Variants in EBF1 observed in about 807,000 individuals in gnomAD.
The protein encoded by EBF1 is EBF transcription factor 1, also known as transcription factor COE1.
EBF1 carries 10 observed loss-of-function variants against 68.4 expected under a neutral mutation model. That is an observed-to-expected ratio of 0.15 (90% CI 0.09 to 0.25). The LOEUF (loss-of-function observed/expected upper bound fraction) is 0.25. Among genes scored for constraint, EBF1 ranks in the 10% least tolerant of loss-of-function variants. The pLI is 1.00. For missense variants in EBF1, 509 were observed against 794.4 expected, an observed-to-expected ratio of 0.64 and a Z score of 4.32; for synonymous variants, 298 against 299.8, an observed-to-expected ratio of 0.99 and a Z score of 0.06.
intron 6 of EBF1, among the ~76,000 whole-genome samples, chr5:158,845,687 T>C (rs777235560): frequency 9.7e-5 from 13 of 133,864 alleles, no homozygotes; most frequent in Non-Finnish European, 2.0e-4. Flanking sequence ...ATAGGTTTCA[T>C]TGAATGACCT....
chr5:159,027,983 G>GA (rs1346757608), intron 6 of EBF1, among the ~76,000 whole-genome samples: 2 of 152,064 alleles, frequency 1.3e-5, no homozygotes, highest in South Asian at 4.2e-4. Flanking sequence ...GCTTGCAAGG[G>GA]AAAAAATGAC....
At chr5:158,788,248 A>G (rs1777861044) in intron 9 of EBF1, among the ~76,000 whole-genome samples, 1 of 152,198 alleles carries the variant, frequency 6.6e-6, no homozygotes, top group Non-Finnish European at 1.5e-5. Context: ...ATTTAGACAG[A>G]AGAGAAAATA....
intron 6 of EBF1, among the ~76,000 whole-genome samples, chr5:158,924,644 A>G (rs1437656068): frequency 2.0e-5 from 3 of 152,022 alleles, no homozygotes; most frequent in Non-Finnish European, 4.4e-5. Flanking sequence ...CGAGGTCACG[A>G]GATCGAGACC....
rs138709834 is a variant in EBF1 at position 158,831,389 on chromosome 5, C to T, written c.637-8072G>A. 3.1e-3 allele frequency among the ~76,000 whole-genome samples: 470 copies of T among 152,192 alleles called. 2 individuals are homozygous for T. Among genetic ancestry groups the T allele is most frequent in the African/African-American group, 0.011 (451 of 41,518 alleles). ...TAGTCATAGGAATACGTGGTGAGCC[C>T]ACTATGTGCCTACCATGTGCCAAAC... On this transcript the variant is annotated intron_variant, in intron 7 of 15. Coordinates refer to ENST00000313708, the MANE Select transcript of EBF1 (RefSeq NM_024007.5).
intron 10 of EBF1, among the ~76,000 whole-genome samples, chr5:158,755,713 T>G (rs1581614791): frequency 6.6e-6 from 1 of 152,110 alleles, no homozygotes; most frequent in East Asian, 1.9e-4. Context: ...GGCTGAGGCC[T>G]GCAAGGGCCT....
At chr5:158,930,898 A>G (rs575397568) in intron 6 of EBF1, among the ~76,000 whole-genome samples, 1 of 151,824 alleles carries the variant, frequency 6.6e-6, no homozygotes, top group Non-Finnish European at 1.5e-5. Flanking sequence ...AAAAAAAAAA[A>G]CACATTTTCA....
At chr5:158,840,576 G>A (rs1790007027) in intron 6 of EBF1, among the ~76,000 whole-genome samples, 2 of 141,236 alleles carry the variant, frequency 1.4e-5, no homozygotes, top group Admixed American at 1.5e-4. Flanking sequence ...GTTTTAATTA[G>A]TACTACCCAT....
At chr5:158,775,270 T>A (rs1290314454) in intron 10 of EBF1, among the ~76,000 whole-genome samples, 1 of 152,090 alleles carries the variant, frequency 6.6e-6, no homozygotes, top group Middle Eastern at 3.2e-3. Flanking sequence ...TCTTTTCTCT[T>A]GAGAACTTAA....
In EBF1 at chr5:159,074,160, G is replaced by T. The variant is rs1458637868; in HGVS notation, c.486-696C>A. The stretch of plus-strand genomic sequence containing the variant: ...GGCATTATGGACATTGGAAGTAAAG[G>T]TTAGCACAGCTCTGTGAGAGGACGC... On this transcript the variant is annotated intron_variant, in intron 5 of 15. Transcript: ENST00000313708. Among the ~76,000 whole-genome samples the T allele has an allele frequency of 2.6e-5, 4 of 152,172 alleles. No homozygotes were observed. In the East Asian group the frequency reaches 7.7e-4, roughly 29 times the overall value.
chr5:158,785,729 T>G (rs766233793), intron 9 of EBF1, among the ~76,000 whole-genome samples: 1 of 152,216 alleles, frequency 6.6e-6, no homozygotes, highest in Non-Finnish European at 1.5e-5. Flanking sequence ...CAAAGGAGAC[T>G]TTTGAAATTA....
intron 6 of EBF1, among the ~76,000 whole-genome samples, chr5:158,957,709 C>T (rs1817418899): frequency 6.6e-6 from 1 of 152,232 alleles, no homozygotes; most frequent in Non-Finnish European, 1.5e-5. Flanking sequence ...CTCCATTTCC[C>T]TTTGTCCCTA....
intron 6 of EBF1, among the ~76,000 whole-genome samples, chr5:158,921,944 T>C (rs1562306258): frequency 6.6e-6 from 1 of 152,196 alleles, no homozygotes; most frequent in Non-Finnish European, 1.5e-5. Flanking sequence ...TGATTCCCTT[T>C]TGCCTCACGA....
chr5:158,720,363 C>T (rs1215043027), intron 11 of EBF1, among the ~76,000 whole-genome samples: 1 of 152,080 alleles, frequency 6.6e-6, no homozygotes, highest in Non-Finnish European at 1.5e-5. Context: ...ATGTACAATG[C>T]AATAAATACT....
chr5:158,833,048 T>C (rs1787933221), intron 7 of EBF1, among the ~76,000 whole-genome samples: 1 of 152,182 alleles, frequency 6.6e-6, no homozygotes, highest in South Asian at 2.1e-4. Flanking sequence ...GGATGGTTTA[T>C]CCTTATTCTT....
At chr5:158,870,668 C>T (rs951204031) in intron 6 of EBF1, among the ~76,000 whole-genome samples, 9 of 152,016 alleles carry the variant, frequency 5.9e-5, no homozygotes, top group African/African-American at 2.2e-4. Context: ...AGAGTGAGAC[C>T]CTGTCTCAAA....
intron 13 of EBF1, 60 bp from the exon 14 acceptor site, chr5:158,712,393 A>C (rs1759586920): frequency 1.3e-6 from 2 of 1,576,434 alleles, no homozygotes; most frequent in South Asian, 1.1e-5. Flanking sequence ...CAATCCTGGA[A>C]GACTCGGGGA....
intron 6 of EBF1, among the ~76,000 whole-genome samples, chr5:158,893,996 A>T (rs1225478777): frequency 1.3e-5 from 2 of 152,212 alleles, no homozygotes; most frequent in African/African-American, 4.8e-5. Context: ...AAATGATCAA[A>T]GATTACATCA....
chr5:158,978,675 A>G (rs1757257611), intron 6 of EBF1, among the ~76,000 whole-genome samples: 1 of 151,948 alleles, frequency 6.6e-6, no homozygotes, highest in Non-Finnish European at 1.5e-5. Context: ...AAGACTTTTA[A>G]GTCTAAAAAC....
At chr5:158,705,292 T>C (rs1757632123) in intron 15 of EBF1, among the ~76,000 whole-genome samples, 2 of 152,192 alleles carry the variant, frequency 1.3e-5, no homozygotes, top group African/African-American at 2.4e-5. Flanking sequence ...ATTCTTTTTA[T>C]AGTTGTTTTA....
Sources: gnomAD v4.1 joint callset for allele counts (sites outside exome capture counted in the v4.1 genomes callset) on GRCh38, gnomAD v4.1.1 for gene constraint, MANE v1.5 for transcripts, NCBI Gene and HGNC (gene_info 2026-07-23, HGNC 2026-07-21) for gene names.